The following DPP8 variants were observed in gnomAD, a reference collection of about 807,000 sequenced individuals.
DPP8 encodes dipeptidyl peptidase 8.
DPP8 carries 31 observed loss-of-function variants against 107.5 expected under a neutral mutation model. That is an observed-to-expected ratio of 0.29 (90% CI 0.22 to 0.39). DPP8 has a LOEUF of 0.39. DPP8 is among the 10% of genes least tolerant of loss of function. The pLI, the probability that DPP8 is intolerant of heterozygous loss-of-function variation, is 1.00. For missense variants in DPP8, 842 were observed against 1,076.1 expected, an observed-to-expected ratio of 0.78 and a Z score of 3.04; for synonymous variants, 381 against 356.6, an observed-to-expected ratio of 1.07 and a Z score of -0.77.
At chr15:65,459,772 T>A (rs2064757809) in intron 15 of DPP8, among the ~76,000 whole-genome samples, 1 of 152,046 alleles carries the variant, frequency 6.6e-6, no homozygotes, top group Non-Finnish European at 1.5e-5. Context: ...TTGGCCAACA[T>A]GGTGAAACCC....
At chr15:65,461,771 T>C (rs1158709786) in intron 15 of DPP8, among the ~76,000 whole-genome samples, 1 of 152,080 alleles carries the variant, frequency 6.6e-6, no homozygotes, top group East Asian at 1.9e-4. Flanking sequence ...TGGCTAATGT[T>C]TGTATTTTTA....
At chr15:65,515,667 T>C (rs1346812373) in intron 1 of DPP8, 1 of 1,614,010 alleles carries the variant, frequency 6.2e-7, no homozygotes, top group Admixed American at 1.7e-5. Context: ...TGATTTTATT[T>C]TCATCTGCTC....
intron 2 of DPP8, among the ~76,000 whole-genome samples, chr15:65,511,651 A>AC (rs1248097343): frequency 1.0e-4 from 15 of 150,644 alleles, no homozygotes; most frequent in South Asian, 2.1e-4. Context: ...AAAAAAAAAA[A>AC]AAAAAAACTA....
At chr15:65,479,736 C>T (rs1415914707) in intron 10 of DPP8, among the ~76,000 whole-genome samples, 1 of 149,472 alleles carries the variant, frequency 6.7e-6, no homozygotes, top group Non-Finnish European at 1.5e-5. Context: ...CCCAGCTACT[C>T]GGGAGGCTGA....
At chr15:65,484,366 G>T (rs1231123595) in intron 8 of DPP8, among the ~76,000 whole-genome samples, 2 of 151,816 alleles carry the variant, frequency 1.3e-5, no homozygotes, top group Non-Finnish European at 2.9e-5. Context: ...GGGATATGAG[G>T]AGGTTGGGGG....
At chr15:65,515,943 G>C in intron 1 of DPP8, 2 of 476,604 alleles carry the variant, frequency 4.2e-6, no homozygotes, top group Non-Finnish European at 7.3e-6. Flanking sequence ...TTTTGTATCT[G>C]CGTTTTATGT....
In DPP8 at chr15:65,479,040, C is replaced by T; in HGVS notation, c.1297-1G>A. On this transcript the variant is annotated splice_acceptor_variant, in intron 10 of 19. Transcript: ENST00000300141. LOFTEE classifies it high-confidence loss of function. ...GAAAAACATGAAAGATGTCATGGAT[C>T]TGTAAAATGAATAGCTAAATTTACT... 1 of 1,558,704 alleles carries T rather than the reference C, an allele frequency of 6.4e-7. No homozygotes were observed. The highest frequency in any genetic ancestry group is 8.7e-7 in the Non-Finnish European group (1 of 1,155,824).
At chr15:65,498,446 T>G (rs775239185) in intron 4 of DPP8, among the ~76,000 whole-genome samples, 1 of 149,358 alleles carries the variant, frequency 6.7e-6, no homozygotes, top group Non-Finnish European at 1.5e-5. Context: ...AAGTCAACAA[T>G]GATAATTGCT....
intron 17 of DPP8, among the ~76,000 whole-genome samples, chr15:65,452,748 GA>G: frequency 6.6e-6 from 1 of 152,076 alleles, no homozygotes; most frequent in East Asian, 1.9e-4. Context: ...GAGGCGGGCG[GA>G]TCACCCAAGG....
At chr15:65,460,310 G>T (rs1052871871) in intron 15 of DPP8, among the ~76,000 whole-genome samples, 15 of 152,072 alleles carry the variant, frequency 9.9e-5, no homozygotes, top group Non-Finnish European at 2.1e-4. Context: ...AGGCATGGTG[G>T]TGCACGCCTG....
intron 11 of DPP8, among the ~76,000 whole-genome samples, chr15:65,476,986 G>A (rs2066447552): frequency 6.6e-6 from 1 of 152,284 alleles, no homozygotes; most frequent in South Asian, 2.1e-4. Context: ...GACATCTAGA[G>A]TAGTTACATT....
chr15:65,456,171 A>G, intron 16 of DPP8, 54 bp downstream of exon 16: 3 of 1,579,658 alleles, frequency 1.9e-6, no homozygotes, highest in Admixed American at 3.6e-5. Flanking sequence ...ACACCAAACA[A>G]TGGACCAGAA....
chr15:65,475,581 C>T, intron 11 of DPP8: 4 of 1,177,812 alleles, frequency 3.4e-6, no homozygotes, highest in Non-Finnish European at 5.0e-6. Flanking sequence ...GCTTGACTCC[C>T]TGGCACTTCT....
chr15:65,460,863 C>T (rs1032583840), intron 15 of DPP8, among the ~76,000 whole-genome samples: 3 of 152,178 alleles, frequency 2.0e-5, no homozygotes, highest in Non-Finnish European at 4.4e-5. Flanking sequence ...ATTTCTGGCT[C>T]ATATAGTAAT....
chr15:65,459,781 C>T (rs1171907713), intron 15 of DPP8, among the ~76,000 whole-genome samples: 8 of 151,838 alleles, frequency 5.3e-5, no homozygotes, highest in Admixed American at 5.3e-4. Flanking sequence ...ATGGTGAAAC[C>T]CCATCTCTAC....
intron 3 of DPP8, among the ~76,000 whole-genome samples, chr15:65,503,863 G>A (rs2069569065): frequency 6.6e-6 from 1 of 151,940 alleles, no homozygotes; most frequent in South Asian, 2.1e-4. Flanking sequence ...GACTTCAAGT[G>A]ATCCACCCGC....
intron 7 of DPP8, among the ~76,000 whole-genome samples, chr15:65,485,678 C>T (rs1178509787): frequency 6.6e-6 from 1 of 151,064 alleles, no homozygotes; most frequent in African/African-American, 2.4e-5. Context: ...AACGTATATG[C>T]CAGGCATGCT....
chr15:65,471,326 A>C lies in DPP8; in HGVS notation c.1536+2883T>G, dbSNP rs1374292279. On this transcript the variant is annotated intron_variant, in intron 12 of 19. Coordinates refer to ENST00000300141, the MANE Select transcript of DPP8 (RefSeq NM_130434.5). Reference sequence around the variant, plus strand: ...CAGTGGAAATGAGACCTTAAAGGTCAGTCTTGATACCCTGAAGTTTTTGTT... The same window carrying C: ...CAGTGGAAATGAGACCTTAAAGGTCCGTCTTGATACCCTGAAGTTTTTGTT... Among the ~76,000 whole-genome samples, 3 of 152,214 alleles carry C rather than the reference A, an allele frequency of 2.0e-5. No homozygotes were observed. In the East Asian group the frequency reaches 5.8e-4, roughly 29 times the overall value.
At chr15:65,510,171 C>G (rs1202911724) in intron 2 of DPP8, among the ~76,000 whole-genome samples, 2 of 151,896 alleles carry the variant, frequency 1.3e-5, no homozygotes, top group African/African-American at 4.8e-5. Context: ...CACAAATTAG[C>G]TGGGCATGGT....
Sources: gnomAD v4.1 joint callset for allele counts (sites outside exome capture counted in the v4.1 genomes callset) on GRCh38, gnomAD v4.1.1 for gene constraint, MANE v1.5 for transcripts, NCBI Gene and HGNC (gene_info 2026-07-23, HGNC 2026-07-21) for gene names.